JAK2: variants seen among roughly 807,000 people sequenced by gnomAD.
JAK2 encodes tyrosine-protein kinase JAK2.
JAK2 carries 86 observed loss-of-function variants against 139.3 expected under a neutral mutation model. The observed-to-expected ratio is 0.62, with a 90% CI of 0.52 to 0.74. JAK2 has a LOEUF of 0.74. JAK2 is among the 30% of genes least tolerant of loss of function. JAK2 has a pLI of 0.00. For missense variants in JAK2, 1,421 were observed against 1,360.3 expected (o/e 1.04, Z -0.70); for synonymous variants, 490 against 437.7 (o/e 1.12, Z -1.49).
chr9:5,120,219 C>G (rs554789171), intron 22 of JAK2, among the ~76,000 whole-genome samples: 99 of 152,268 alleles, frequency 6.5e-4, no homozygotes, highest in African/African-American at 2.3e-3. Flanking sequence ...CGAGAGGGGC[C>G]AAATGCTGCA....
At chr9:4,985,751 C>T (rs1196619720) in intron 1 of JAK2, 121 bp downstream of exon 1, 2 of 152,482 alleles carry the variant, frequency 1.3e-5, no homozygotes, top group Admixed American at 6.5e-5. Context: ...CCAGAAAAAT[C>T]TTCCTCTTTA....
intron 9 of JAK2, among the ~76,000 whole-genome samples, chr9:5,065,975 A>G (rs980304377): frequency 6.6e-6 from 1 of 152,196 alleles, no homozygotes; most frequent in Non-Finnish European, 1.5e-5. Context: ...TGTAATTTAC[A>G]TGTTTAATAT....
In JAK2 at chr9:5,054,875, G is replaced by A. The variant is rs1351822170; in HGVS notation, c.927G>A (p.Leu309=). The change falls in exon 7 of 25, where the codon CTG becomes CTA. Residue 309 remains leucine (L), a synonymous_variant. Transcript: ENST00000381652. The surrounding 1 kb of genome is among the most constrained non-coding windows in gnomAD (Gnocchi z 4.9). The part of the protein sequence containing the change: ...SRGKHKESET[L]TEQDLQLYCD... The stretch of plus-strand genomic sequence containing the variant: ...GGAAACATAAAGAAAGTGAGACACT[G>A]ACAGAACAGGTAATCCTTAATGATA... 8 of 1,591,330 alleles carry A rather than the reference G, an allele frequency of 5.0e-6. No homozygotes were observed. The highest frequency in any genetic ancestry group is 6.9e-6 in the Non-Finnish European group (8 of 1,166,414).
chr9:5,111,107 G>T lies in JAK2; in HGVS notation c.3060-11897G>T, dbSNP rs1159653294. On this transcript the variant is annotated intron_variant, in intron 22 of 24. Coordinates refer to ENST00000381652, the MANE Select transcript of JAK2 (RefSeq NM_004972.4). ...TCCTGGGGCAGCGGCGACCAGAACA[G>T]CTCCTCCTTTGACCCCAGCTGGACG... 7 of 1,219,518 alleles carry T rather than the reference G, an allele frequency of 5.7e-6. No individual in the cohort carries two copies. In the African/African-American group the frequency reaches 1.1e-4, roughly 18 times the overall value. The allele number at this position is 1,219,518 out of a possible 1,614,324, so 75.5% of individuals were successfully genotyped here. A position where few individuals can be genotyped will look rare whatever the true frequency, so the allele number is the denominator to read the frequency against.
chr9:5,124,051 A>C (rs925994379), intron 23 of JAK2, among the ~76,000 whole-genome samples: 10 of 151,396 alleles, frequency 6.6e-5, no homozygotes, highest in Admixed American at 3.3e-4. Context: ...ACTTTTTAAC[A>C]CGATTATTAG....
rs147307952 is a variant in JAK2, at chr9:5,068,138, G to A, written c.1327-884G>A. On this transcript the variant is annotated intron_variant, in intron 10 of 24. Coordinates refer to ENST00000381652, the MANE Select transcript of JAK2 (RefSeq NM_004972.4). ...TTGTGCCACTGCACTCCAGCCTGGC[G>A]ACAGAGCGAGACACGGTCTCAAAAA... is the stretch of plus-strand genomic sequence containing the variant. Among the ~76,000 whole-genome samples the A allele has an allele frequency of 7.5e-3, 1,043 of 138,382 alleles. 9 individuals carry two copies. Among genetic ancestry groups the A allele is most frequent in the African/African-American group, 0.031 (997 of 32,208 alleles). 90.8% of individuals were successfully genotyped at this position (138,382 alleles called of 152,430 possible).
rs1178036190 is a variant in JAK2, at chr9:5,125,239, T to G, written c.3178-1094T>G. 2.0e-5 allele frequency among the ~76,000 whole-genome samples: 3 copies of G among 151,098 alleles called. No individual in the cohort carries two copies. In the East Asian group the frequency reaches 5.8e-4, roughly 29 times the overall value. ...AAGTATATAAAACTTTTATAACTTT[T>G]ATAAAAGTTCACTTATATAAATATA... is the stretch of plus-strand genomic sequence containing the variant. On this transcript the variant is annotated intron_variant, in intron 23 of 24. Transcript: ENST00000381652.
chr9:5,072,683 A>G, intron 13 of JAK2, 57 bp downstream of exon 13: 2 of 1,333,114 alleles, frequency 1.5e-6, no homozygotes, highest in Admixed American at 2.4e-5. Context: ...ATGTGCTCTC[A>G]TATGCATACA....
At chr9:5,088,781 A>G (rs1353971554) in intron 19 of JAK2, among the ~76,000 whole-genome samples, 2 of 152,142 alleles carry the variant, frequency 1.3e-5, no homozygotes, top group Non-Finnish European at 2.9e-5. Context: ...GGAGAGAGAG[A>G]TTGCTCTAAT....
At chr9:5,030,402 A>AT (rs1391036862) in intron 4 of JAK2, among the ~76,000 whole-genome samples, 2 of 151,998 alleles carry the variant, frequency 1.3e-5, no homozygotes, top group African/African-American at 2.4e-5. Flanking sequence ...ATCTAGAAGT[A>AT]TTTTTTTGCT....
chr9:5,072,352 G>A (rs1435016982), intron 12 of JAK2, 140 bp from the exon 13 acceptor site: 2 of 533,132 alleles, frequency 3.8e-6, no homozygotes, highest in African/African-American at 1.9e-5. Context: ...TTAATTTGGA[G>A]TCTTAAATCT....
intron 19 of JAK2, among the ~76,000 whole-genome samples, chr9:5,082,292 CAT>C (rs933571657): frequency 3.0e-4 from 45 of 152,286 alleles, no homozygotes; most frequent in African/African-American, 1.0e-3. Flanking sequence ...AGCAAGAAAA[CAT>C]GTGAGGAAAG....
intron 22 of JAK2, among the ~76,000 whole-genome samples, chr9:5,115,534 C>T (rs940247470): frequency 1.3e-5 from 2 of 152,256 alleles, no homozygotes; most frequent in Admixed American, 6.5e-5. Context: ...TTAGAAATAC[C>T]ATTTCACTGA....
intron 8 of JAK2, among the ~76,000 whole-genome samples, chr9:5,062,969 TG>T (rs1352771869): frequency 6.6e-6 from 1 of 152,184 alleles, no homozygotes; most frequent in Non-Finnish European, 1.5e-5. Flanking sequence ...TATATTCCTT[TG>T]TTATACATGT....
rs116594395 is a variant in JAK2, at chr9:5,004,587, G to A, written c.-25-17376G>A. On this transcript the variant is annotated intron_variant, in intron 2 of 24. Coordinates refer to ENST00000381652, the MANE Select transcript of JAK2 (RefSeq NM_004972.4). Reference sequence around the variant, plus strand: ...TATCTTGGCTATTAAGAATAATGCTGCAATGAGCATGGGAGTGTAGATATT... The same window carrying A: ...TATCTTGGCTATTAAGAATAATGCTACAATGAGCATGGGAGTGTAGATATT... Among the ~76,000 whole-genome samples the A allele has an allele frequency of 6.9e-3, 1,047 of 152,220 alleles. 21 individuals are homozygous for A. The highest frequency in any genetic ancestry group is 0.024 in the African/African-American group (1,001 of 41,518).
At chr9:5,106,042 C>T (rs1435684934) in intron 22 of JAK2, among the ~76,000 whole-genome samples, 2 of 152,126 alleles carry the variant, frequency 1.3e-5, no homozygotes, top group African/African-American at 4.8e-5. Flanking sequence ...ACAAAGGCAA[C>T]CAAAGCCAAA....
At chr9:5,099,599 A>C (rs1821302386) in intron 22 of JAK2, 3 of 152,200 alleles carry the variant, frequency 2.0e-5, no homozygotes, top group Non-Finnish European at 4.4e-5. Context: ...CTACCCCTAC[A>C]ATTCTAGGCC....
intron 22 of JAK2, chr9:5,109,756 G>C (rs898019241): frequency 2.6e-5 from 4 of 152,086 alleles, no homozygotes; most frequent in African/African-American, 9.7e-5. Flanking sequence ...TATTCTAGTA[G>C]CACTATTTGT....
intron 4 of JAK2, among the ~76,000 whole-genome samples, chr9:5,040,789 C>T (rs545086831): frequency 6.6e-6 from 1 of 152,336 alleles, no homozygotes; most frequent in Admixed American, 6.5e-5. Flanking sequence ...CATGCGGTGG[C>T]TGGCCCAGGC....
Sources: gnomAD v4.1 joint callset for allele counts (sites outside exome capture counted in the v4.1 genomes callset) on GRCh38, gnomAD v4.1.1 for gene constraint, Gnocchi (gnomAD v3.1) non-coding constraint, MANE v1.5 for transcripts, NCBI Gene and HGNC (gene_info 2026-07-23, HGNC 2026-07-21) for gene names.